Variants in SIGLEC12 observed in about 807,000 individuals in gnomAD.
SIGLEC12 encodes sialic acid-binding Ig-like lectin 12.
In SIGLEC12, 43 loss-of-function variants were observed where a neutral mutation model predicts 54.1. The observed-to-expected ratio is 0.80, with a 90% CI of 0.62 to 1.03. The LOEUF is 1.03. SIGLEC12 is among the 50% of genes least tolerant of loss of function. The pLI is 0.00. For synonymous variants in SIGLEC12, 357 were observed against 307.6 expected, an observed-to-expected ratio of 1.16 and a Z score of -1.68; for missense variants, 802 against 735.2, an observed-to-expected ratio of 1.09 and a Z score of -1.05.
rs74354979 is a variant in SIGLEC12, at chr19:51,501,505, C to T, written c.229G>A (p.Ala77Thr). Residue 77 changes from alanine (A) to threonine (T), a missense_variant, in exon 1 of 8, where the codon GCC (alanine) becomes ACC (threonine). By Grantham distance (58) the Ala-to-Thr change is moderately conservative (BLOSUM62 0). Transcript: ENST00000291707. ...GDHVSRNIPV[A>T]TNNPARAVQE... ...ACTGCTCGAGCTGGGTTGTTTGTGG[C>T]CACTGGAATGTTCCGGCTTACATGG... The T allele has an allele frequency of 2.7e-3, 4,392 of 1,609,922 alleles. 189 individuals are homozygous for T. In the East Asian group the frequency reaches 0.083, roughly 30 times the overall value.
At chr19:51,493,876 T>C (rs1990164817) in intron 7 of SIGLEC12, among the ~76,000 whole-genome samples, 2 of 152,166 alleles carry the variant, frequency 1.3e-5, no homozygotes, top group Non-Finnish European at 2.9e-5. Flanking sequence ...AGGGATCCCA[T>C]GAAAATAAAA....
rs567146114 is a variant in SIGLEC12 at position 51,500,807 on chromosome 19, T to C, written c.427+500A>G. Among the ~76,000 whole-genome samples the C allele has an allele frequency of 1.6e-3, 237 of 151,958 alleles. 2 individuals are homozygous for C. Among genetic ancestry groups the C allele is most frequent in the Non-Finnish European group, 2.5e-3 (172 of 67,922 alleles). On this transcript the variant is annotated intron_variant, in intron 1 of 7. Transcript: ENST00000291707. The stretch of plus-strand genomic sequence containing the variant: ...CCTGTCCAGGCTCAGGTGCCTCTGC[T>C]GCCCTTGGTTTGCGCCAGGAAGTGC...
intron 2 of SIGLEC12, 40 bp from the exon 3 acceptor site, chr19:51,499,756 G>A: frequency 6.2e-7 from 1 of 1,606,366 alleles, no homozygotes. Flanking sequence ...AGGGTGTTGG[G>A]GTCTGAAGTG....
At position 51,496,895 on chromosome 19, in the gene SIGLEC12, C is replaced by T; in HGVS notation, c.1584G>A (p.Arg528=). ...GCTCACTCACCTGAGAGGCTGAGCC[C>T]CTGACAGCGTTTGCGTCCTCCATGC... ...DTGMEDANAV[R]GSASQGPLIE... The change falls in exon 7 of 8, where the codon AGG becomes AGA. Residue 528 remains arginine (R), a synonymous_variant. Coordinates refer to ENST00000291707, the MANE Select transcript of SIGLEC12 (RefSeq NM_053003.4). 6.2e-7 allele frequency: 1 copy of T among 1,614,066 alleles called. No homozygotes were observed. Among genetic ancestry groups the T allele is most frequent in the Non-Finnish European group, 8.5e-7 (1 of 1,180,004 alleles).
intron 4 of SIGLEC12, 112 bp downstream of exon 4, chr19:51,499,058 G>C (rs369987765): frequency 3.1e-5 from 34 of 1,097,082 alleles, no homozygotes; most frequent in African/African-American, 4.7e-5. Context: ...CTGAGGGAGG[G>C]GGGGGCCGGG....
At chr19:51,499,843 G>A (rs778658078) in intron 2 of SIGLEC12, 77 bp downstream of exon 2, 6 of 1,547,846 alleles carry the variant, frequency 3.9e-6, no homozygotes, top group Non-Finnish European at 5.2e-6. Context: ...TCCCTCCCAG[G>A]ATGGGGGTCC....
Position 51,499,180 on chromosome 19 carries a change from T to A in SIGLEC12, c.1125A>T (p.Gly375=), listed in dbSNP as rs765339040. ...AGGACTCCATCTTACCTGTGCCATC[T>A]CCTTGGAAGACAGTCATGGTCAAGT... The part of the protein sequence containing the change: ...PQNLTMTVFQ[G]DGTASTTLRN... The change falls in exon 4 of 8, where the codon GGA becomes GGT. Residue 375 remains glycine (G), a synonymous_variant. Transcript: ENST00000291707. 6.2e-7 allele frequency: 1 copy of A among 1,614,058 alleles called. No individual in the cohort carries two copies. Among genetic ancestry groups the A allele is most frequent in the Non-Finnish European group, 8.5e-7 (1 of 1,179,956 alleles).
Position 51,501,612 on chromosome 19 carries a change from G to A in SIGLEC12, c.122C>T (p.Ser41Phe), listed in dbSNP as rs761260283. Reference sequence around the variant, plus strand: ...GGGGTAGGAGAAGGAGCAAAGCACAGAGACACACAGGCCCTCCTGCACCGT... The same window carrying A: ...GGGGTAGGAGAAGGAGCAAAGCACAAAGACACACAGGCCCTCCTGCACCGT... The part of the protein sequence containing the change: ...SVTVQEGLCV[S>F]VLCSFSYPQN... The change falls in exon 1 of 8, where the codon TCT (serine) becomes TTT (phenylalanine). Residue 41 changes from serine (S) to phenylalanine (F), a missense_variant. Transcript: ENST00000291707. The A allele has an allele frequency of 3.9e-5, 63 of 1,614,000 alleles. 1 individual carries two copies. In the Middle Eastern group the frequency reaches 4.9e-4, roughly 13 times the overall value.
At chr19:51,498,370 G>T in intron 4 of SIGLEC12, 83 bp from the exon 5 acceptor site, 1 of 1,214,404 alleles carries the variant, frequency 8.2e-7, no homozygotes, top group Non-Finnish European at 1.1e-6. Flanking sequence ...GTGGTGAATG[G>T]AACAGACACT....
Position 51,499,841 on chromosome 19 carries a change from A to AGGATG in SIGLEC12, c.808+74_808+78dup, listed in dbSNP as rs1018618959. The AGGATG allele has an allele frequency of 9.7e-6, 15 of 1,546,528 alleles. No individual in the cohort carries two copies. The East Asian group carries it at 2.9e-4, about 30-fold the overall frequency. The stretch of plus-strand genomic sequence containing the variant: ...TATGCTTCACCTCCAACTCCCTCCC[A>AGGATG]GGATGGGGGTCCCACCTCAGCCCTA... On this transcript the variant is annotated intron_variant, in intron 2 of 7. Transcript: ENST00000291707.
At position 51,499,897 on chromosome 19, in the gene SIGLEC12, T is replaced by C. The variant is rs371489095; in HGVS notation, c.808+23A>G. The C allele has an allele frequency of 1.1e-5, 18 of 1,588,594 alleles. No individual in the cohort carries two copies. The African/African-American group carries it at 1.7e-4, about 15-fold the overall frequency. Reference sequence around the variant, plus strand: ...CGGCCCTCGGGCCTTCCCCTCTGGCTGGTCCTAGAGCCAGAGATTTACCTG... The same window carrying C: ...CGGCCCTCGGGCCTTCCCCTCTGGCCGGTCCTAGAGCCAGAGATTTACCTG... On this transcript the variant is annotated intron_variant, in intron 2 of 7. Coordinates refer to ENST00000291707, the MANE Select transcript of SIGLEC12 (RefSeq NM_053003.4).
chr19:51,495,321 A>ATGGATGGACGGGTGGGTGGG, intron 7 of SIGLEC12, among the ~76,000 whole-genome samples: 1 of 83,494 alleles, frequency 1.2e-5, no homozygotes, highest in African/African-American at 4.3e-5. Context: ...GGGTGGATGG[A>ATGGATGGACGGGTGGGTGGG]TGGATGGATG....
rs267605619 is a variant in SIGLEC12, at chr19:51,498,062, G to A, written c.1361C>T (p.Ser454Phe). 7 of 1,614,132 alleles carry A rather than the reference G, an allele frequency of 4.3e-6. No individual in the cohort carries two copies. Among genetic ancestry groups the A allele is most frequent in the Non-Finnish European group, 5.1e-6 (6 of 1,180,048 alleles). Residue 454 changes from serine (S) to phenylalanine (F), a missense_variant, in exon 5 of 8, where the codon TCC becomes TTC. Physicochemically the swap from Ser to Phe is radical, Grantham distance 155. Transcript: ENST00000291707. ...FTCRAQNPLG[S>F]QHISLSLSLQ... Reference sequence around the variant, plus strand: ...GGAGAGGCTCAGGGAAATGTGCTGGGAGCCTAGAGGGTTCTGAGCTCGGCA... The same window carrying A: ...GGAGAGGCTCAGGGAAATGTGCTGGAAGCCTAGAGGGTTCTGAGCTCGGCA...
At chr19:51,500,457 G>C (rs1042201063) in intron 1 of SIGLEC12, 157 bp from the exon 2 acceptor site, 80 of 1,358,912 alleles carry the variant, frequency 5.9e-5, no homozygotes, top group Non-Finnish European at 7.8e-5. Context: ...GACCCACAGG[G>C]GGCTGGAGAG....
intron 1 of SIGLEC12, among the ~76,000 whole-genome samples, 200 bp downstream of exon 1, chr19:51,501,107 G>A (rs997232702): frequency 6.6e-6 from 1 of 152,082 alleles, no homozygotes; most frequent in Admixed American, 6.5e-5. Context: ...AGGCCTGTGG[G>A]TCAGGGCTGG....
chr19:51,500,907 C>A (rs1324221076), intron 1 of SIGLEC12, among the ~76,000 whole-genome samples: 1 of 152,028 alleles, frequency 6.6e-6, no homozygotes, highest in African/African-American at 2.4e-5. Context: ...GGACTTAACC[C>A]CCCAGGACGT....
chr19:51,498,432 G>T (rs1379997030), intron 4 of SIGLEC12, 145 bp from the exon 5 acceptor site: 1 of 671,314 alleles, frequency 1.5e-6, no homozygotes, highest in Admixed American at 3.0e-5. Context: ...CACTGTTGGG[G>T]ATGTAAACTT....
At chr19:51,495,729 G>A (rs879857256) in intron 7 of SIGLEC12, among the ~76,000 whole-genome samples, 2 of 152,148 alleles carry the variant, frequency 1.3e-5, no homozygotes, top group South Asian at 2.1e-4. Flanking sequence ...CCACAGATGG[G>A]TCGCTGGCAT....
chr19:51,492,683 C>T (rs1260514090), intron 7 of SIGLEC12, among the ~76,000 whole-genome samples: 2 of 152,138 alleles, frequency 1.3e-5, no homozygotes, highest in Admixed American at 6.5e-5. Flanking sequence ...TGGAAGATGC[C>T]AGGCTGCTTG....
Sources: allele counts gnomAD v4.1 joint callset (sites outside exome capture counted in the v4.1 genomes callset), GRCh38; gene constraint gnomAD v4.1.1; transcripts MANE v1.5; gene names NCBI Gene and HGNC (gene_info 2026-07-23, HGNC 2026-07-21).